The following CALN1 variants were observed in gnomAD, a reference collection of about 807,000 sequenced individuals.
CALN1 encodes the protein calneuron 1, also known as calcium-binding protein 8.
CALN1 carries 17 observed loss-of-function variants against 30.6 expected under a neutral mutation model. That is an observed-to-expected ratio of 0.56 (90% CI 0.38 to 0.83). The LOEUF is 0.83. Among genes scored for constraint, CALN1 ranks in the 40% least tolerant of loss-of-function variants. The pLI is 0.00. For missense variants in CALN1, 291 were observed against 354.9 expected (o/e 0.82, Z 1.45); for synonymous variants, 156 against 131.4 (o/e 1.19, Z -1.28).
chr7:71,827,068 GCAGAGCCTGGGCTTGTCA>G (rs1173821754), intron 5 of CALN1, among the ~76,000 whole-genome samples: 2 of 152,176 alleles, frequency 1.3e-5, no homozygotes, highest in African/African-American at 4.8e-5. Flanking sequence ...AGGTCACGTC[GCAGAGCCTGGGCTTGTCA>G]CAGAGCCTGG....
intron 3 of CALN1, among the ~76,000 whole-genome samples, chr7:72,225,723 C>T (rs376597504): frequency 5.3e-5 from 8 of 152,230 alleles, no homozygotes; most frequent in East Asian, 1.9e-4. Context: ...AAATCAAACT[C>T]AGCTGTTTCT....
intron 2 of CALN1, among the ~76,000 whole-genome samples, chr7:72,387,938 A>T (rs1406916936): frequency 1.3e-5 from 2 of 152,190 alleles, no homozygotes; most frequent in African/African-American, 4.8e-5. Flanking sequence ...CAGTGAGATG[A>T]GAGGAATAAG....
intron 4 of CALN1, among the ~76,000 whole-genome samples, chr7:72,049,675 T>C (rs1038650208): frequency 1.3e-5 from 2 of 150,720 alleles, no homozygotes; most frequent in Non-Finnish European, 3.0e-5. Context: ...GCCCGGCTAT[T>C]TTTTGTGTTT....
intron 5 of CALN1, among the ~76,000 whole-genome samples, chr7:71,851,705 GCAAA>G (rs1319360768): frequency 2.6e-5 from 4 of 151,968 alleles, no homozygotes; most frequent in East Asian, 1.9e-4. Context: ...AAACAAATGA[GCAAA>G]CAAACAAGTA....
At chr7:72,107,020 GA>G (rs762841895) in intron 3 of CALN1, among the ~76,000 whole-genome samples, 5 of 151,618 alleles carry the variant, frequency 3.3e-5, no homozygotes, top group Non-Finnish European at 7.4e-5. Context: ...GAAAGAAAGA[GA>G]AAAAAAGAAA....
At chr7:72,106,378 C>A in intron 3 of CALN1, 84 bp from the exon 4 acceptor site, 1 of 1,517,576 alleles carries the variant, frequency 6.6e-7, no homozygotes, top group South Asian at 1.2e-5. Context: ...CTACTGAGAA[C>A]TCCTAACTGC....
intron 3 of CALN1, among the ~76,000 whole-genome samples, chr7:72,156,429 G>A (rs1787685401): frequency 6.6e-6 from 1 of 152,136 alleles, no homozygotes; most frequent in African/African-American, 2.4e-5. Flanking sequence ...GCCCAAATGT[G>A]GGCACCTGAT....
chr7:72,206,469 A>G (rs1053311608), intron 3 of CALN1, among the ~76,000 whole-genome samples: 2 of 152,174 alleles, frequency 1.3e-5, no homozygotes, highest in African/African-American at 2.4e-5. Flanking sequence ...GTGACTTGCA[A>G]TTGCATGATT....
intron 2 of CALN1, among the ~76,000 whole-genome samples, chr7:72,285,982 A>C (rs530257649): frequency 3.9e-5 from 6 of 152,354 alleles, no homozygotes; most frequent in African/African-American, 1.2e-4. Flanking sequence ...CTGTAAAAAC[A>C]ACCACGAAAG....
intron 2 of CALN1, among the ~76,000 whole-genome samples, chr7:72,320,843 A>G (rs1800825505): frequency 6.6e-6 from 1 of 151,324 alleles, no homozygotes; most frequent in South Asian, 2.1e-4. Flanking sequence ...TCAAAAAAAA[A>G]AAAAAAAAAA....
At chr7:71,835,375 G>A (rs983279342) in intron 5 of CALN1, among the ~76,000 whole-genome samples, 1 of 152,206 alleles carries the variant, frequency 6.6e-6, no homozygotes, top group African/African-American at 2.4e-5. Context: ...GGGAAACATG[G>A]CGGCACGGGG....
At chr7:72,421,335 A>C (rs1398263220) in intron 1 of CALN1, among the ~76,000 whole-genome samples, 1 of 152,098 alleles carries the variant, frequency 6.6e-6, no homozygotes. Context: ...CTCACAGCTT[A>C]GCTATGAGTG....
chr7:72,030,741 C>T (rs1801384751), intron 4 of CALN1, among the ~76,000 whole-genome samples: 1 of 152,008 alleles, frequency 6.6e-6, no homozygotes, highest in South Asian at 2.1e-4. Context: ...TTAAAATACC[C>T]ACACAATTTT....
At chr7:72,244,701 C>A (rs578137755) in intron 3 of CALN1, among the ~76,000 whole-genome samples, 19 of 151,298 alleles carry the variant, frequency 1.3e-4, no homozygotes, top group Non-Finnish European at 2.4e-4. Context: ...GAAGAACAAG[C>A]AGAAAGGGCT....
intron 3 of CALN1, among the ~76,000 whole-genome samples, chr7:72,208,558 A>T (rs1792061892): frequency 6.6e-6 from 1 of 152,234 alleles, no homozygotes; most frequent in Non-Finnish European, 1.5e-5. Flanking sequence ...AGAAAAAAAG[A>T]GTAAAAAAAT....
chr7:71,963,643 C>G (rs1402751248), intron 5 of CALN1, among the ~76,000 whole-genome samples: 1 of 152,140 alleles, frequency 6.6e-6, no homozygotes, highest in African/African-American at 2.4e-5. Context: ...TATCGTCTCT[C>G]CTTGGTCCCC....
intron 2 of CALN1, among the ~76,000 whole-genome samples, chr7:72,401,369 C>T (rs1345327502): frequency 6.6e-6 from 1 of 152,150 alleles, no homozygotes; most frequent in African/African-American, 2.4e-5. Context: ...CTGGCCCCAC[C>T]CGATCCCCTG....
intron 5 of CALN1, among the ~76,000 whole-genome samples, chr7:71,926,106 T>C (rs1334525055): frequency 6.6e-6 from 1 of 152,176 alleles, no homozygotes; most frequent in Non-Finnish European, 1.5e-5. Context: ...ATAATCTTTC[T>C]GCAGCCCTCT....
At chr7:71,940,769 G>A (rs1196865983) in intron 5 of CALN1, among the ~76,000 whole-genome samples, 2 of 151,858 alleles carry the variant, frequency 1.3e-5, no homozygotes, top group South Asian at 2.1e-4. Context: ...AGACCACCAC[G>A]TCCAGATAAT....
Sources: gnomAD v4.1 joint callset for allele counts (sites outside exome capture counted in the v4.1 genomes callset) on GRCh38, gnomAD v4.1.1 for gene constraint, MANE v1.5 for transcripts, NCBI Gene and HGNC (gene_info 2026-07-23, HGNC 2026-07-21) for gene names.